Variants in KCNIP4 observed in about 807,000 individuals in gnomAD.
KCNIP4 encodes Kv channel-interacting protein 4.
In KCNIP4, 12 loss-of-function variants were observed where a neutral mutation model predicts 34.0. The observed-to-expected ratio is 0.35, with a 90% CI of 0.23 to 0.57. KCNIP4 has a LOEUF of 0.57. Among genes scored for constraint, KCNIP4 ranks in the 20% least tolerant of loss-of-function variants. The pLI is 0.83. For synonymous variants in KCNIP4, 124 were observed against 102.2 expected (o/e 1.21, Z -1.29); for missense variants, 238 against 311.7 (o/e 0.76, Z 1.78).
At chr4:21,279,754 A>C (rs992588321) in intron 1 of KCNIP4, among the ~76,000 whole-genome samples, 5 of 152,112 alleles carry the variant, frequency 3.3e-5, no homozygotes, top group Non-Finnish European at 7.4e-5. Flanking sequence ...TCCTTGGCTA[A>C]GTCACGTACT....
At chr4:21,671,068 T>C (rs1408653233) in intron 1 of KCNIP4, among the ~76,000 whole-genome samples, 1 of 152,182 alleles carries the variant, frequency 6.6e-6, no homozygotes, top group African/African-American at 2.4e-5. Flanking sequence ...TCGTTTTGTT[T>C]CTGCTGTGTT....
chr4:20,864,761 A>G (rs571174785), intron 2 of KCNIP4, among the ~76,000 whole-genome samples: 31 of 152,248 alleles, frequency 2.0e-4, no homozygotes, highest in Non-Finnish European at 4.0e-4. Flanking sequence ...TTCATGTCAC[A>G]TACAGAGCCT....
chr4:20,918,287 TC>T (rs987054365), intron 1 of KCNIP4, among the ~76,000 whole-genome samples: 2 of 152,108 alleles, frequency 1.3e-5, no homozygotes, highest in Admixed American at 1.3e-4. Flanking sequence ...AACATCTTAC[TC>T]CTGTTTTGCA....
chr4:21,144,736 T>A (rs1752226959), intron 1 of KCNIP4, among the ~76,000 whole-genome samples: 1 of 152,204 alleles, frequency 6.6e-6, no homozygotes. Flanking sequence ...ATTTTCCTCC[T>A]CAGTCAAGTT....
chr4:20,959,227 A>G (rs1404869257), intron 1 of KCNIP4, among the ~76,000 whole-genome samples: 2 of 152,218 alleles, frequency 1.3e-5, no homozygotes, highest in African/African-American at 4.8e-5. Flanking sequence ...CCCCTACTAC[A>G]GGTAGCCAAA....
intron 2 of KCNIP4, among the ~76,000 whole-genome samples, chr4:20,856,790 T>G (rs981665521): frequency 6.6e-6 from 1 of 152,030 alleles, no homozygotes; most frequent in Non-Finnish European, 1.5e-5. Flanking sequence ...ACAGCAAAAG[T>G]AGAGGGGATT....
intron 1 of KCNIP4, among the ~76,000 whole-genome samples, chr4:21,486,093 C>G (rs1731884124): frequency 6.6e-6 from 1 of 152,186 alleles, no homozygotes. Flanking sequence ...TATCTCAGGA[C>G]AGCTTCCTGG....
chr4:20,997,485 A>G (rs1379831992), intron 1 of KCNIP4, among the ~76,000 whole-genome samples: 1 of 152,194 alleles, frequency 6.6e-6, no homozygotes, highest in East Asian at 1.9e-4. Context: ...ACTGGCTCTG[A>G]CTAGTGAAAT....
chr4:21,182,576 A>C (rs1016304818), intron 1 of KCNIP4, among the ~76,000 whole-genome samples: 1 of 151,984 alleles, frequency 6.6e-6, no homozygotes, highest in African/African-American at 2.4e-5. Context: ...AATGGTGTAC[A>C]TTGTACCCAT....
chr4:20,968,725 A>T (rs910333223), intron 1 of KCNIP4, among the ~76,000 whole-genome samples: 2 of 148,664 alleles, frequency 1.3e-5, no homozygotes, highest in African/African-American at 4.9e-5. Context: ...GGAGTTGAAC[A>T]ATGAGAACAC....
At chr4:21,319,594 C>T (rs933080983) in intron 1 of KCNIP4, among the ~76,000 whole-genome samples, 2 of 152,160 alleles carry the variant, frequency 1.3e-5, no homozygotes, top group African/African-American at 2.4e-5. Flanking sequence ...CACCTAGTAG[C>T]CTGATAAATA....
chr4:21,803,410 A>G (rs537720460), intron 1 of KCNIP4, among the ~76,000 whole-genome samples: 266 of 152,112 alleles, frequency 1.7e-3, no homozygotes, highest in Non-Finnish European at 2.9e-3. Flanking sequence ...CCTCCCCAAT[A>G]TGTTCTTCAC....
chr4:21,338,278 A>T lies in KCNIP4; in HGVS notation c.62-455569T>A, dbSNP rs866300985. On this transcript the variant is annotated intron_variant, in intron 1 of 8. Coordinates refer to ENST00000382152, the MANE Select transcript of KCNIP4 (RefSeq NM_025221.6). Reference sequence around the variant, plus strand: ...AGACTCCTTCTCAAAAAAAAAAAAAAAAAAAAAAAGACTTTGTATTTTTAT... The same window carrying T: ...AGACTCCTTCTCAAAAAAAAAAAAATAAAAAAAAAGACTTTGTATTTTTAT... Among the ~76,000 whole-genome samples, 676 of 151,524 alleles carry T rather than the reference A, an allele frequency of 4.5e-3. 8 individuals carry two copies. The highest frequency in any genetic ancestry group is 0.016 in the African/African-American group (648 of 41,320).
intron 1 of KCNIP4, among the ~76,000 whole-genome samples, chr4:21,205,760 T>C (rs1042252997): frequency 2.6e-5 from 4 of 152,222 alleles, no homozygotes; most frequent in Non-Finnish European, 5.9e-5. Flanking sequence ...TAATAAGTGG[T>C]ACACAGCTGG....
intron 1 of KCNIP4, among the ~76,000 whole-genome samples, chr4:20,995,529 T>G (rs1460011799): frequency 6.6e-6 from 1 of 152,220 alleles, no homozygotes; most frequent in African/African-American, 2.4e-5. Flanking sequence ...AAGCTGGAAC[T>G]CAGTCCTGCT....
chr4:21,846,513 T>A (rs911388725), intron 1 of KCNIP4: 1 of 152,118 alleles, frequency 6.6e-6, no homozygotes, highest in African/African-American at 2.4e-5. Context: ...GTAATGGACA[T>A]GCACGTCATA....
chr4:21,151,904 TCA>T (rs1752783764), intron 1 of KCNIP4, among the ~76,000 whole-genome samples: 2 of 152,274 alleles, frequency 1.3e-5, no homozygotes, highest in Admixed American at 6.5e-5. Context: ...TTCTGTTAGA[TCA>T]GTTCCAACAG....
intron 1 of KCNIP4, among the ~76,000 whole-genome samples, chr4:21,437,053 A>G (rs1560404356): frequency 2.0e-5 from 3 of 152,194 alleles, no homozygotes; most frequent in Admixed American, 2.0e-4. Flanking sequence ...TATCCCATCA[A>G]GGTGATAACT....
chr4:20,790,211 T>A (rs373000598), intron 3 of KCNIP4, among the ~76,000 whole-genome samples: 2 of 152,194 alleles, frequency 1.3e-5, no homozygotes, highest in East Asian at 3.9e-4. Context: ...ATAGGAAAAG[T>A]ACAATAAAAA....
Sources: gnomAD v4.1 joint callset for allele counts (sites outside exome capture counted in the v4.1 genomes callset) on GRCh38, gnomAD v4.1.1 for gene constraint, MANE v1.5 for transcripts, NCBI Gene and HGNC (gene_info 2026-07-23, HGNC 2026-07-21) for gene names.